The following SUSD6 variants were observed in gnomAD, a reference collection of about 807,000 sequenced individuals.
SUSD6 encodes the protein sushi domain-containing protein 6.
Under a neutral mutation model 28.4 loss-of-function variants are expected in SUSD6, and 16 were observed. That is an observed-to-expected ratio of 0.56 (90% confidence interval 0.38 to 0.86). SUSD6 has a LOEUF of 0.86. Ranked by LOEUF, SUSD6 falls within the 40% of genes least tolerant of loss-of-function variation. The pLI is 0.00. For synonymous variants in SUSD6, 147 were observed against 159.6 expected, an observed-to-expected ratio of 0.92 and a Z score of 0.59; for missense variants, 341 against 384.2, an observed-to-expected ratio of 0.89 and a Z score of 0.94.
intron 2 of SUSD6, among the ~76,000 whole-genome samples, chr14:69,659,610 C>T (rs781542107): frequency 6.6e-5 from 10 of 152,276 alleles, no homozygotes; most frequent in African/African-American, 2.4e-4. Flanking sequence ...CTCTGCCTCC[C>T]GGGTTCCAGC....
rs1176819179 is a variant in SUSD6, at chr14:69,611,618, T to TCGCTACCGCCGC, written c.-290_-279dup. On this transcript the variant is annotated 5_prime_UTR_variant, in exon 1 of 6. Coordinates refer to ENST00000342745, the MANE Select transcript of SUSD6 (RefSeq NM_014734.4). ...GTCAGTGACGCGGGCGCTGCAGCCG[T>TCGCTACCGCCGC]CGCTACCGCCGCGTTCTATTCTCCG... 5 of 149,114 alleles carry TCGCTACCGCCGC rather than the reference T, an allele frequency of 3.4e-5. No individual in the cohort carries two copies. The highest frequency in any genetic ancestry group is 1.2e-4 in the African/African-American group (5 of 40,726). 9.2% of individuals were successfully genotyped at this position (149,114 alleles called of 1,614,324 possible). A position where few individuals can be genotyped will look rare whatever the true frequency, so the allele number is the denominator to read the frequency against.
intron 1 of SUSD6, among the ~76,000 whole-genome samples, chr14:69,637,034 C>T (rs753517833): frequency 3.3e-5 from 5 of 152,136 alleles, no homozygotes; most frequent in African/African-American, 9.7e-5. Context: ...GTGACAAACC[C>T]GGGAGTCTGC....
At chr14:69,656,025 G>A (rs1885577173) in intron 1 of SUSD6, among the ~76,000 whole-genome samples, 1 of 152,150 alleles carries the variant, frequency 6.6e-6, no homozygotes, top group South Asian at 2.1e-4. Flanking sequence ...TCTGCCAGGA[G>A]TAATGTGCTC....
intron 2 of SUSD6, among the ~76,000 whole-genome samples, chr14:69,658,954 A>G (rs114797077): frequency 2.9e-3 from 434 of 152,168 alleles, no homozygotes; most frequent in African/African-American, 0.01. Flanking sequence ...CCCAGCCATA[A>G]TCATCATCAG....
chr14:69,714,124 A>T lies in SUSD6; in HGVS notation c.*3145A>T, dbSNP rs577986038. The T allele has an allele frequency of 6.6e-6, 1 of 152,252 alleles. No individual in the cohort carries two copies. The highest frequency in any genetic ancestry group is 2.1e-4 in the South Asian group (1 of 4,826). 9.4% of individuals were successfully genotyped at this position (152,252 alleles called of 1,614,324 possible). On this transcript the variant is annotated 3_prime_UTR_variant, in exon 6 of 6. Coordinates refer to ENST00000342745, the MANE Select transcript of SUSD6 (RefSeq NM_014734.4). ...TATAAGGCATTTCAATGTACATTCT[A>T]TAAATACAAGCACTCCATTTGCAAA...
chr14:69,662,049 G>C (rs1266953130), intron 2 of SUSD6, among the ~76,000 whole-genome samples: 1 of 152,150 alleles, frequency 6.6e-6, no homozygotes, highest in Non-Finnish European at 1.5e-5. Context: ...CTTCCAAAGT[G>C]CTGGGATTAT....
rs146248521 is a variant in SUSD6, at chr14:69,666,087, G to A, written c.121+7374G>A. ...GGTTCAGACAGACTCAGGTTGGAAC[G>A]TGCTCCCTGTTTCTTCCATATCTCT... On this transcript the variant is annotated intron_variant, in intron 2 of 5. Transcript: ENST00000342745. Among the ~76,000 whole-genome samples, 351 of 152,294 alleles carry A rather than the reference G, an allele frequency of 2.3e-3. 2 individuals are homozygous for A. Among genetic ancestry groups the A allele is most frequent in the Non-Finnish European group, 3.7e-3 (251 of 68,030 alleles).
intron 1 of SUSD6, among the ~76,000 whole-genome samples, chr14:69,641,999 TC>T (rs1885360270): frequency 6.6e-6 from 1 of 152,214 alleles, no homozygotes; most frequent in African/African-American, 2.4e-5. Flanking sequence ...AGATTTAACA[TC>T]CTTGTCTACT....
chr14:69,645,382 T>A (rs1885411429), intron 1 of SUSD6, among the ~76,000 whole-genome samples: 2 of 152,206 alleles, frequency 1.3e-5, no homozygotes, highest in African/African-American at 4.8e-5. Flanking sequence ...ACTAGGCTAT[T>A]TTTTTTCCAT....
intron 1 of SUSD6, among the ~76,000 whole-genome samples, chr14:69,657,420 A>T (rs775899804): frequency 6.6e-6 from 1 of 151,830 alleles, no homozygotes; most frequent in Non-Finnish European, 1.5e-5. Context: ...GTGCCATTGC[A>T]CTCTAGCCTG....
intron 5 of SUSD6, among the ~76,000 whole-genome samples, chr14:69,709,723 C>T (rs565941831): frequency 2.0e-5 from 3 of 152,188 alleles, no homozygotes; most frequent in South Asian, 2.1e-4. Context: ...GTGGCTCTAG[C>T]GCCCTTGTGG....
At chr14:69,702,855 G>A (rs935339412) in intron 2 of SUSD6, among the ~76,000 whole-genome samples, 2 of 152,206 alleles carry the variant, frequency 1.3e-5, no homozygotes, top group Non-Finnish European at 2.9e-5. Context: ...GATAGAGACA[G>A]GTGGTGCCAT....
intron 1 of SUSD6, among the ~76,000 whole-genome samples, chr14:69,649,636 T>C (rs970379137): frequency 6.6e-6 from 1 of 152,210 alleles, no homozygotes; most frequent in African/African-American, 2.4e-5. Flanking sequence ...AGAGAATTGG[T>C]GGTCTCTGCA....
At chr14:69,637,235 G>A (rs1204229584) in intron 1 of SUSD6, among the ~76,000 whole-genome samples, 1 of 152,088 alleles carries the variant, frequency 6.6e-6, no homozygotes, top group Non-Finnish European at 1.5e-5. Flanking sequence ...ACTGCCGCTT[G>A]CCCCATACTT....
chr14:69,714,516 C>T lies in SUSD6; in HGVS notation c.*3537C>T, dbSNP rs1036825919. 2 of 152,162 alleles carry T rather than the reference C, an allele frequency of 1.3e-5. No individual in the cohort carries two copies. Among genetic ancestry groups the T allele is most frequent in the Admixed American group, 6.5e-5 (1 of 15,284 alleles). The allele number at this position is 152,162 out of a possible 1,614,324, so 9.4% of individuals were successfully genotyped here. A position where few individuals can be genotyped will look rare whatever the true frequency, so the allele number is the denominator to read the frequency against. On this transcript the variant is annotated 3_prime_UTR_variant, in exon 6 of 6. Transcript: ENST00000342745. ...TTAATGCCAAGGACAGCGAGTGAGG[C>T]TGGGAGCTTCTCTTGGGCCTGCTGG...
intron 1 of SUSD6, among the ~76,000 whole-genome samples, chr14:69,637,312 G>A (rs1003495634): frequency 6.6e-6 from 1 of 152,042 alleles, no homozygotes. Context: ...CCATATTACC[G>A]TCTGTTTCCT....
At chr14:69,614,404 A>G (rs942759731) in intron 1 of SUSD6, among the ~76,000 whole-genome samples, 1 of 152,176 alleles carries the variant, frequency 6.6e-6, no homozygotes, top group Non-Finnish European at 1.5e-5. Flanking sequence ...ATCTCTCAGT[A>G]GGGGATGTCC....
chr14:69,679,578 CT>C (rs59195061), intron 2 of SUSD6, among the ~76,000 whole-genome samples: 2,336 of 138,008 alleles, frequency 0.017, 37 homozygotes, highest in African/African-American at 0.047. Context: ...GTTTATTTTG[CT>C]TTTTTTTTTT....
chr14:69,639,313 C>CAAAAAAAAAAAAA (rs57837741), intron 1 of SUSD6, among the ~76,000 whole-genome samples: 2 of 54,590 alleles, frequency 3.7e-5, no homozygotes, highest in Non-Finnish European at 6.1e-5. Context: ...GACTCCGTCT[C>CAAAAAAAAAAAAA]AAAAAAAAAA....
Sources: gnomAD v4.1 joint callset for allele counts (sites outside exome capture counted in the v4.1 genomes callset) on GRCh38, gnomAD v4.1.1 for gene constraint, MANE v1.5 for transcripts, NCBI Gene and HGNC (gene_info 2026-07-23, HGNC 2026-07-21) for gene names.